PTPN12: variants seen among roughly 807,000 people sequenced by gnomAD.
PTPN12 encodes protein tyrosine phosphatase non-receptor type 12, also known as tyrosine-protein phosphatase non-receptor type 12.
In PTPN12, 29 loss-of-function variants were observed where a neutral mutation model predicts 97.6. The ratio of observed to expected loss-of-function variants is 0.30; its 90% CI spans 0.22 to 0.41. The LOEUF (loss-of-function observed/expected upper bound fraction) is 0.41, where lower values mean the gene tolerates loss of function less well. Among genes scored for constraint, PTPN12 ranks in the 10% least tolerant of loss-of-function variants. The pLI is 1.00. For missense variants in PTPN12, 819 were observed against 926.0 expected, an observed-to-expected ratio of 0.88 and a Z score of 1.50; for synonymous variants, 327 against 300.4, an observed-to-expected ratio of 1.09 and a Z score of -0.91.
At chr7:77,614,075 T>TTTTTGTAGAGATG (rs1554323977) in intron 11 of PTPN12, among the ~76,000 whole-genome samples, 1 of 151,046 alleles carries the variant, frequency 6.6e-6, no homozygotes, top group South Asian at 2.1e-4. Flanking sequence ...AAAATTTTTT[T>TTTTTGTAGAGATG]TTGTAGAGAT....
At chr7:77,563,173 T>C (rs1808077653) in intron 1 of PTPN12, among the ~76,000 whole-genome samples, 1 of 152,206 alleles carries the variant, frequency 6.6e-6, no homozygotes, top group Admixed American at 6.5e-5. Flanking sequence ...AACCTAGGAA[T>C]TGAACCCCAG....
intron 7 of PTPN12, among the ~76,000 whole-genome samples, chr7:77,599,932 G>A (rs1544588): frequency 0.72 from 110,037 of 152,096 alleles, 41,201 homozygotes; most frequent in East Asian, 0.9. Flanking sequence ...TCTGGGGGTT[G>A]TATCTTTCAG....
intron 2 of PTPN12, among the ~76,000 whole-genome samples, chr7:77,574,165 G>C (rs1346986043): frequency 6.6e-6 from 1 of 152,174 alleles, no homozygotes; most frequent in East Asian, 1.9e-4. Flanking sequence ...TCTGTCATGT[G>C]GTGGTAATTA....
intron 1 of PTPN12, among the ~76,000 whole-genome samples, chr7:77,541,889 A>G (rs991869524): frequency 6.6e-6 from 1 of 152,230 alleles, no homozygotes; most frequent in Admixed American, 6.5e-5. Flanking sequence ...ATAAATTAGC[A>G]AATAGCTAAT....
At chr7:77,569,523 C>A (rs1032203405) in intron 1 of PTPN12, among the ~76,000 whole-genome samples, 2 of 152,146 alleles carry the variant, frequency 1.3e-5, no homozygotes, top group South Asian at 2.1e-4. Flanking sequence ...GTAATCTCAG[C>A]ACTTTGGAAG....
rs1004036300 is a variant in PTPN12 at position 77,611,142 on chromosome 7, ATGAGAAGAATATCC to A, written c.939+97_939+110del. The stretch of plus-strand genomic sequence containing the variant: ...TTTGTTGTCTTGTGTTTTGTCTAAC[ATGAGAAGAATATCC>A]AGGACACTTAACATTTTTACTTAAA... On this transcript the variant is annotated intron_variant, in intron 11 of 17. Transcript: ENST00000248594. 1.6e-5 allele frequency: 15 copies of A among 912,496 alleles called. 1 individual carries two copies. Among genetic ancestry groups the A allele is most frequent in the Non-Finnish European group, 3.5e-6 (2 of 575,726 alleles). The allele number at this position is 912,496 out of a possible 1,614,324, so 56.5% of individuals were successfully genotyped here.
rs1240981442 is a variant in PTPN12 at position 77,635,108 on chromosome 7, G to A, written c.2075-674G>A. Among the ~76,000 whole-genome samples, 6 of 152,286 alleles carry A rather than the reference G, an allele frequency of 3.9e-5. No individual in the cohort carries two copies. In the East Asian group the frequency reaches 1.2e-3, roughly 29 times the overall value. On this transcript the variant is annotated intron_variant, in intron 14 of 17. Transcript: ENST00000248594. ...GATCTGCCTGCCTCAGCCTCCCAAAGTGAATTTTGACTGATTTTAAGATAA... is the reference window on the plus strand; with the variant it reads ...GATCTGCCTGCCTCAGCCTCCCAAAATGAATTTTGACTGATTTTAAGATAA...
intron 1 of PTPN12, among the ~76,000 whole-genome samples, chr7:77,556,301 G>T (rs1423357654): frequency 1.3e-5 from 2 of 152,062 alleles, no homozygotes; most frequent in Admixed American, 1.3e-4. Flanking sequence ...GGGCTGAAGA[G>T]ACCTGCCTAC....
rs776618825 is a variant in PTPN12, at chr7:77,600,834, A to G, written c.695+28A>G. 5.2e-6 allele frequency: 8 copies of G among 1,537,606 alleles called. No homozygotes were observed. In the South Asian group the frequency reaches 8.4e-5, roughly 16 times the overall value. ...ACAAAAGAATTTCCCAAGTTTATAA[A>G]TACATTATTTAAGTTTGATGTTACA... On this transcript the variant is annotated intron_variant, in intron 8 of 17. Coordinates refer to ENST00000248594, the MANE Select transcript of PTPN12 (RefSeq NM_002835.4).
intron 1 of PTPN12, among the ~76,000 whole-genome samples, chr7:77,554,733 G>A (rs1410058819): frequency 6.6e-6 from 1 of 152,172 alleles, no homozygotes; most frequent in Admixed American, 6.5e-5. Flanking sequence ...AGGCTATAAT[G>A]CGGTGGCATG....
chr7:77,586,509 A>G (rs998541014), intron 5 of PTPN12, among the ~76,000 whole-genome samples: 1 of 152,166 alleles, frequency 6.6e-6, no homozygotes, highest in Non-Finnish European at 1.5e-5. Flanking sequence ...ACTTGAGCCC[A>G]GAAGGTTGAG....
chr7:77,612,780 T>G (rs949916338), intron 11 of PTPN12, among the ~76,000 whole-genome samples: 6 of 150,850 alleles, frequency 4.0e-5, no homozygotes, highest in Admixed American at 2.7e-4. Flanking sequence ...GTTTTTTTTG[T>G]TTTTTGGTTT....
At chr7:77,635,377 C>G (rs1239402319) in intron 14 of PTPN12, among the ~76,000 whole-genome samples, 1 of 152,104 alleles carries the variant, frequency 6.6e-6, no homozygotes, top group African/African-American at 2.4e-5. Flanking sequence ...TCCAGTGAGC[C>G]GAGATCGCGC....
rs376945125 is a variant in PTPN12, at chr7:77,630,178, A to C, written c.1997-2170A>C. ...TAGTCTCATTTTTAATGTGTTGCCAAATATTTACCATATGGATTATTTACT... is the reference window on the plus strand; with the variant it reads ...TAGTCTCATTTTTAATGTGTTGCCACATATTTACCATATGGATTATTTACT... On this transcript the variant is annotated intron_variant, in intron 13 of 17. Coordinates refer to ENST00000248594, the MANE Select transcript of PTPN12 (RefSeq NM_002835.4). 4.6e-5 allele frequency among the ~76,000 whole-genome samples: 7 copies of C among 152,280 alleles called. No individual in the cohort carries two copies. The East Asian group carries it at 9.7e-4, about 21-fold the overall frequency.
intron 1 of PTPN12, among the ~76,000 whole-genome samples, chr7:77,540,243 C>CTTTTT (rs1400336120): frequency 1.9e-4 from 26 of 140,494 alleles, no homozygotes; most frequent in Non-Finnish European, 2.6e-4. Flanking sequence ...TTCTTTCTTT[C>CTTTTT]TTTTTTTTTT....
At chr7:77,613,315 C>T (rs1156455668) in intron 11 of PTPN12, among the ~76,000 whole-genome samples, 1 of 150,470 alleles carries the variant, frequency 6.6e-6, no homozygotes, top group African/African-American at 2.4e-5. Flanking sequence ...GCTGAGATTA[C>T]AGGCGCCCAC....
chr7:77,635,151 A>G (rs1339092318), intron 14 of PTPN12, among the ~76,000 whole-genome samples: 2 of 152,226 alleles, frequency 1.3e-5, no homozygotes, highest in Admixed American at 1.3e-4. Flanking sequence ...AGAGCCAAGC[A>G]CAATGGCTTA....
At chr7:77,582,538 C>G (rs1375075613) in intron 3 of PTPN12, among the ~76,000 whole-genome samples, 1 of 152,046 alleles carries the variant, frequency 6.6e-6, no homozygotes, top group Non-Finnish European at 1.5e-5. Context: ...AATCCCAGCA[C>G]TTTGGGAGAC....
At chr7:77,572,896 A>G (rs1176493158) in intron 2 of PTPN12, among the ~76,000 whole-genome samples, 1 of 152,024 alleles carries the variant, frequency 6.6e-6, no homozygotes, top group African/African-American at 2.4e-5. Context: ...CAGCCTGACC[A>G]ACATGGTGAA....
Sources: allele counts gnomAD v4.1 joint callset (sites outside exome capture counted in the v4.1 genomes callset), GRCh38; gene constraint gnomAD v4.1.1; transcripts MANE v1.5; gene names NCBI Gene and HGNC (gene_info 2026-07-23, HGNC 2026-07-21).